The following HS6ST3 variants were observed in gnomAD, a reference collection of about 807,000 sequenced individuals.
HS6ST3 encodes the protein heparan sulfate 6-O-sulfotransferase 3, also known as heparan-sulfate 6-O-sulfotransferase 3.
A neutral mutation model predicts 36.7 loss-of-function variants in HS6ST3; 12 were observed. The observed-to-expected ratio is 0.33, with a 90% CI of 0.21 to 0.53. The LOEUF (loss-of-function observed/expected upper bound fraction) is 0.53. Ranked by LOEUF, HS6ST3 falls within the 20% of genes least tolerant of loss-of-function variation. The pLI, the probability that HS6ST3 is intolerant of heterozygous loss-of-function variation, is 0.95. For missense variants in HS6ST3, 584 were observed against 640.9 expected (o/e 0.91, Z 0.96); for synonymous variants, 240 against 257.5 (o/e 0.93, Z 0.65).
At chr13:96,694,609 C>A (rs1247243696) in intron 1 of HS6ST3, among the ~76,000 whole-genome samples, 1 of 152,106 alleles carries the variant, frequency 6.6e-6, no homozygotes, top group East Asian at 1.9e-4. Flanking sequence ...CTTTGAAGAA[C>A]TGCCACACTG....
intron 1 of HS6ST3, among the ~76,000 whole-genome samples, chr13:96,179,635 A>G (rs1033868827): frequency 6.6e-6 from 1 of 152,174 alleles, no homozygotes; most frequent in South Asian, 2.1e-4. Flanking sequence ...GCGGGAGACT[A>G]TTACTAAGTC....
chr13:96,490,041 C>T (rs1369266016), intron 1 of HS6ST3, among the ~76,000 whole-genome samples: 1 of 152,038 alleles, frequency 6.6e-6, no homozygotes. Context: ...ATTACAGAAA[C>T]CCAGAGATGC....
At chr13:96,815,443 C>T (rs138585056) in intron 1 of HS6ST3, among the ~76,000 whole-genome samples, 46 of 152,234 alleles carry the variant, frequency 3.0e-4, no homozygotes, top group South Asian at 1.0e-3. Context: ...GTGGTTAGAA[C>T]TTCAACATCT....
intron 1 of HS6ST3, among the ~76,000 whole-genome samples, chr13:96,668,390 T>C (rs930497904): frequency 1.3e-5 from 2 of 152,178 alleles, no homozygotes; most frequent in Non-Finnish European, 1.5e-5. Context: ...ACACAACTAA[T>C]GCAACTAATA....
intron 1 of HS6ST3, among the ~76,000 whole-genome samples, chr13:96,395,303 T>G (rs2055415235): frequency 6.6e-6 from 1 of 152,216 alleles, no homozygotes; most frequent in Non-Finnish European, 1.5e-5. Context: ...TGTTCCTATT[T>G]TGTAATAAAA....
chr13:96,797,798 A>C (rs1340904971), intron 1 of HS6ST3, among the ~76,000 whole-genome samples: 1 of 152,054 alleles, frequency 6.6e-6, no homozygotes, highest in Non-Finnish European at 1.5e-5. Context: ...GATTCTCCCT[A>C]TCAGCAAGAA....
At chr13:96,288,015 T>C (rs1216862872) in intron 1 of HS6ST3, among the ~76,000 whole-genome samples, 1 of 152,142 alleles carries the variant, frequency 6.6e-6, no homozygotes, top group Non-Finnish European at 1.5e-5. Context: ...CAAAATGTAG[T>C]TCCTAGACCA....
chr13:96,490,737 T>C (rs1031931705), intron 1 of HS6ST3, among the ~76,000 whole-genome samples: 2 of 152,190 alleles, frequency 1.3e-5, no homozygotes, highest in African/African-American at 4.8e-5. Context: ...ATCTACAAAG[T>C]GGTAATGCAT....
chr13:96,408,454 T>C (rs2055489971), intron 1 of HS6ST3, among the ~76,000 whole-genome samples: 1 of 152,156 alleles, frequency 6.6e-6, no homozygotes, highest in Non-Finnish European at 1.5e-5. Flanking sequence ...TTAACTAACA[T>C]ATAATAAATG....
At chr13:96,353,892 T>A (rs1379393677) in intron 1 of HS6ST3, among the ~76,000 whole-genome samples, 1 of 152,166 alleles carries the variant, frequency 6.6e-6, no homozygotes, top group Non-Finnish European at 1.5e-5. Context: ...CACTGGCATA[T>A]GGCAGGAATG....
intron 1 of HS6ST3, among the ~76,000 whole-genome samples, chr13:96,753,011 T>C (rs113885318): frequency 5.1e-4 from 77 of 152,312 alleles, no homozygotes; most frequent in African/African-American, 1.6e-3. Context: ...TCCTAGAGCA[T>C]GTTTTTGAAG....
intron 1 of HS6ST3, among the ~76,000 whole-genome samples, chr13:96,299,438 G>A (rs1594746695): frequency 1.3e-5 from 2 of 152,156 alleles, no homozygotes; most frequent in Non-Finnish European, 2.9e-5. Context: ...GGTGCCACCT[G>A]AGCAAAGTCT....
chr13:96,094,413 C>T (rs1297266004), intron 1 of HS6ST3, among the ~76,000 whole-genome samples: 1 of 152,126 alleles, frequency 6.6e-6, no homozygotes, highest in Non-Finnish European at 1.5e-5. Context: ...TAGAGAAGAT[C>T]TGTATAAATG....
At chr13:96,311,617 A>G (rs1192773296) in intron 1 of HS6ST3, among the ~76,000 whole-genome samples, 1 of 152,204 alleles carries the variant, frequency 6.6e-6, no homozygotes, top group Admixed American at 6.5e-5. Flanking sequence ...TTTTTAAGGT[A>G]AACTGGATTT....
At chr13:96,431,427 C>A (rs2139474802) in intron 1 of HS6ST3, among the ~76,000 whole-genome samples, 1 of 152,312 alleles carries the variant, frequency 6.6e-6, no homozygotes, top group East Asian at 1.9e-4. Context: ...TTGCTTTCCA[C>A]CACAGGGGTG....
chr13:96,506,475 C>T (rs867814684), intron 1 of HS6ST3, among the ~76,000 whole-genome samples: 5 of 152,292 alleles, frequency 3.3e-5, no homozygotes, highest in Middle Eastern at 6.8e-3. Context: ...AAGGCTGCCT[C>T]TGCAAGTTGC....
At chr13:96,259,640 C>T (rs1368820750) in intron 1 of HS6ST3, among the ~76,000 whole-genome samples, 1 of 152,132 alleles carries the variant, frequency 6.6e-6, no homozygotes, top group Non-Finnish European at 1.5e-5. Flanking sequence ...ATGTGAAAGC[C>T]ACAACCCCAA....
intron 1 of HS6ST3, among the ~76,000 whole-genome samples, chr13:96,166,567 C>CTTTTTTTTTTTTTTTT (rs1205779954): frequency 7.0e-6 from 1 of 143,390 alleles, no homozygotes; most frequent in African/African-American, 2.6e-5. Flanking sequence ...TTCTTTCTTT[C>CTTTTTTTTTTTTTTTT]TTTCTTTCTT....
intron 1 of HS6ST3, among the ~76,000 whole-genome samples, chr13:96,665,583 T>C (rs573032434): frequency 6.6e-6 from 1 of 151,798 alleles, no homozygotes; most frequent in African/African-American, 2.4e-5. Flanking sequence ...GGTAGAAGAG[T>C]GGGAAAAGAA....
Sources: allele counts gnomAD v4.1 joint callset (sites outside exome capture counted in the v4.1 genomes callset), GRCh38; gene constraint gnomAD v4.1.1; transcripts MANE v1.5; gene names NCBI Gene and HGNC (gene_info 2026-07-23, HGNC 2026-07-21).